The following TMEM132D variants were observed in gnomAD, a reference collection of about 807,000 sequenced individuals.
TMEM132D encodes mature OL transmembrane protein.
In TMEM132D, 21 loss-of-function variants were observed where a neutral mutation model predicts 62.3. The observed-to-expected ratio is 0.34, with a 90% CI of 0.24 to 0.49. The LOEUF is 0.49. Among genes scored for constraint, TMEM132D ranks in the 20% least tolerant of loss-of-function variants. The pLI is 0.99. For synonymous variants in TMEM132D, 621 were observed against 575.6 expected, an observed-to-expected ratio of 1.08 and a Z score of -1.13; for missense variants, 1,346 against 1,402.8, an observed-to-expected ratio of 0.96 and a Z score of 0.65.
chr12:129,873,569 C>A (rs1040360295), intron 1 of TMEM132D, among the ~76,000 whole-genome samples: 2 of 152,190 alleles, frequency 1.3e-5, no homozygotes, highest in South Asian at 4.1e-4. Flanking sequence ...GCTGAACCAG[C>A]GTGAACCTGG....
At chr12:129,634,888 C>T (rs966990209) in intron 2 of TMEM132D, among the ~76,000 whole-genome samples, 1 of 152,204 alleles carries the variant, frequency 6.6e-6, no homozygotes, top group Admixed American at 6.5e-5. Flanking sequence ...CTCTGTTTCA[C>T]AATTTACTTA....
At chr12:129,302,157 C>T (rs1326431767) in intron 4 of TMEM132D, among the ~76,000 whole-genome samples, 1 of 152,228 alleles carries the variant, frequency 6.6e-6, no homozygotes, top group African/African-American at 2.4e-5. Context: ...GCTCTCTTGC[C>T]AGGCTGGCGT....
intron 3 of TMEM132D, among the ~76,000 whole-genome samples, chr12:129,515,531 G>T (rs1057425434): frequency 2.0e-5 from 3 of 152,104 alleles, no homozygotes; most frequent in Non-Finnish European, 2.9e-5. Context: ...GAACTTTGGC[G>T]ATTGGGAATA....
intron 1 of TMEM132D, among the ~76,000 whole-genome samples, chr12:129,841,505 C>T (rs1221994713): frequency 2.0e-5 from 3 of 152,230 alleles, no homozygotes; most frequent in East Asian, 3.9e-4. Context: ...CTGCCAAGAG[C>T]GTGTTAATTT....
intron 3 of TMEM132D, among the ~76,000 whole-genome samples, chr12:129,519,396 C>G (rs1425923827): frequency 1.3e-5 from 2 of 152,150 alleles, no homozygotes. Flanking sequence ...ACACATGCTG[C>G]TAGGCTTTGT....
chr12:129,573,185 T>A (rs1379970660), intron 2 of TMEM132D, among the ~76,000 whole-genome samples: 1 of 152,086 alleles, frequency 6.6e-6, no homozygotes, highest in African/African-American at 2.4e-5. Context: ...CAGGGGCTCA[T>A]CGGCCAGCTG....
At position 129,084,397 on chromosome 12, in the gene TMEM132D, C is replaced by T. The variant is rs112565551; in HGVS notation, c.1649+100G>A. On this transcript the variant is annotated intron_variant, in intron 6 of 8. Transcript: ENST00000422113. Reference sequence around the variant, plus strand: ...CTGAGCGGTGGAGGGAGGCTTGGTCCTTAGGGTACCACATGCATCCTCAGA... The same window carrying T: ...CTGAGCGGTGGAGGGAGGCTTGGTCTTTAGGGTACCACATGCATCCTCAGA... The T allele has an allele frequency of 1.8e-3, 2,202 of 1,225,690 alleles. 39 individuals are homozygous for T. The African/African-American group carries it at 0.029, about 16-fold the overall frequency. The allele number at this position is 1,225,690 out of a possible 1,614,324, so 75.9% of individuals were successfully genotyped here. A position where few individuals can be genotyped will look rare whatever the true frequency, so the allele number is the denominator to read the frequency against.
chr12:129,503,345 T>C lies in TMEM132D; in HGVS notation c.1115+27714A>G, dbSNP rs1467814869. The stretch of plus-strand genomic sequence containing the variant: ...AGAAGCAAATGGATTATGGATAGAG[T>C]ATTCTGAAAGCAGGCAGGAAAAACA... On this transcript the variant is annotated intron_variant, in intron 3 of 8. Transcript: ENST00000422113. Among the ~76,000 whole-genome samples, 3 of 151,902 alleles carry C rather than the reference T, an allele frequency of 2.0e-5. No homozygotes were observed. In the East Asian group the frequency reaches 5.8e-4, roughly 29 times the overall value.
At chr12:129,572,312 C>A (rs759223929) in intron 2 of TMEM132D, among the ~76,000 whole-genome samples, 1 of 152,234 alleles carries the variant, frequency 6.6e-6, no homozygotes, top group Non-Finnish European at 1.5e-5. Flanking sequence ...TTGTGTGGAG[C>A]TGGCGGGCAG....
intron 4 of TMEM132D, among the ~76,000 whole-genome samples, chr12:129,263,009 G>C (rs1880592115): frequency 6.6e-6 from 1 of 152,148 alleles, no homozygotes; most frequent in Non-Finnish European, 1.5e-5. Flanking sequence ...GAGCAGACAG[G>C]AATGAGAAAG....
intron 3 of TMEM132D, among the ~76,000 whole-genome samples, chr12:129,458,073 C>G (rs1322390886): frequency 2.0e-5 from 3 of 152,202 alleles, no homozygotes; most frequent in Admixed American, 2.0e-4. Flanking sequence ...ATATCGTACT[C>G]TCCCCTGTCC....
Position 129,280,531 on chromosome 12 carries a change from G to A in TMEM132D, c.1299+57103C>T, listed in dbSNP as rs372869066. ...TATACAACAGACTTTTCCTTAGGACGTTCACTAAGTCAAAAGCACCTTCCA... is the reference window on the plus strand; with the variant it reads ...TATACAACAGACTTTTCCTTAGGACATTCACTAAGTCAAAAGCACCTTCCA... On this transcript the variant is annotated intron_variant, in intron 4 of 8. Transcript: ENST00000422113. 1.9e-4 allele frequency among the ~76,000 whole-genome samples: 29 copies of A among 152,182 alleles called. No individual in the cohort carries two copies. The East Asian group carries it at 3.3e-3, about 17-fold the overall frequency.
intron 5 of TMEM132D, among the ~76,000 whole-genome samples, chr12:129,103,954 T>G (rs1358358790): frequency 6.6e-6 from 1 of 152,118 alleles, no homozygotes; most frequent in Non-Finnish European, 1.5e-5. Context: ...ATCTTGAAAA[T>G]GGCCATACTG....
At chr12:129,527,575 C>T (rs1206762349) in intron 3 of TMEM132D, among the ~76,000 whole-genome samples, 1 of 152,114 alleles carries the variant, frequency 6.6e-6, no homozygotes, top group African/African-American at 2.4e-5. Flanking sequence ...GTATACTGAT[C>T]CTCCTTTCTA....
chr12:129,150,832 C>T (rs748122088), intron 5 of TMEM132D, among the ~76,000 whole-genome samples: 10 of 152,256 alleles, frequency 6.6e-5, no homozygotes, highest in Non-Finnish European at 1.0e-4. Flanking sequence ...GCTGTGGCCC[C>T]GGACTAAAGT....
intron 2 of TMEM132D, among the ~76,000 whole-genome samples, chr12:129,533,035 G>A (rs892956445): frequency 1.3e-5 from 2 of 152,022 alleles, no homozygotes; most frequent in African/African-American, 4.8e-5. Flanking sequence ...CTGGACCTGG[G>A]GGTGGTCTTA....
chr12:129,481,478 AAC>A (rs1459082430), intron 3 of TMEM132D, among the ~76,000 whole-genome samples: 1,702 of 83,294 alleles, frequency 0.02, 31 homozygotes, highest in Admixed American at 0.053. Flanking sequence ...AAAAAAAAAA[AAC>A]CCACAAAACT....
At chr12:129,482,888 A>G (rs1438569808) in intron 3 of TMEM132D, among the ~76,000 whole-genome samples, 1 of 151,520 alleles carries the variant, frequency 6.6e-6, no homozygotes, top group Non-Finnish European at 1.5e-5. Flanking sequence ...CTCTCTTCCT[A>G]GCGTGCTCCT....
At chr12:129,683,995 A>G (rs1282465670) in intron 2 of TMEM132D, among the ~76,000 whole-genome samples, 2 of 152,206 alleles carry the variant, frequency 1.3e-5, no homozygotes, top group Non-Finnish European at 2.9e-5. Context: ...TGCATAAATG[A>G]AAAGTCAACT....
Sources: allele counts gnomAD v4.1 joint callset (sites outside exome capture counted in the v4.1 genomes callset), GRCh38; gene constraint gnomAD v4.1.1; transcripts MANE v1.5; gene names NCBI Gene and HGNC (gene_info 2026-07-23, HGNC 2026-07-21).